The following TCF3 variants were observed in gnomAD, a reference collection of about 807,000 sequenced individuals.
The protein encoded by TCF3 is transcription factor 3, also known as transcription factor E2-alpha.
In TCF3, 54 loss-of-function variants were observed where a neutral mutation model predicts 72.3. The observed-to-expected ratio is 0.75, with a 90% CI of 0.60 to 0.94. The LOEUF is 0.94. Ranked by LOEUF, TCF3 falls within the 40% of genes least tolerant of loss-of-function variation. The pLI is 0.00. For synonymous variants in TCF3, 525 were observed against 412.6 expected, an observed-to-expected ratio of 1.27 and a Z score of -3.30; for missense variants, 1,078 against 934.4, an observed-to-expected ratio of 1.15 and a Z score of -2.00.
rs145808631 is a variant in TCF3, at chr19:1,651,102, T to G, written c.-39-815A>C. The G allele has an allele frequency of 3.3e-3, 774 of 232,270 alleles. 5 individuals are homozygous for G. Among genetic ancestry groups the G allele is most frequent in the African/African-American group, 0.016 (708 of 45,392 alleles). 14.4% of individuals were successfully genotyped at this position (232,270 alleles called of 1,614,324 possible). On this transcript the variant is annotated intron_variant, in intron 1 of 18. Transcript: ENST00000262965. ...TCAAGACCAGGGTGCTCCCGCGTGG[T>G]CCCAGGGGGCTCCATTCTAAGATGG...
At position 1,611,684 on chromosome 19, in the gene TCF3, C is replaced by T. The variant is rs1481960097; in HGVS notation, c.*23G>A. ...AGAGCACAGGGCTGAAAGCGGGTGG[C>T]TCGTCCCACGGAGGCATACCTTTCA... On this transcript the variant is annotated 3_prime_UTR_variant, in exon 19 of 19. Transcript: ENST00000262965. 6.2e-7 allele frequency: 1 copy of T among 1,603,460 alleles called. No homozygotes were observed. The highest frequency in any genetic ancestry group is 2.2e-5 in the East Asian group (1 of 44,680).
intron 18 of TCF3, chr19:1,612,155 T>TGGGTGTGGGGAAGGGAGA (rs2061067766): frequency 6.6e-7 from 1 of 1,507,662 alleles, no homozygotes; most frequent in African/African-American, 1.4e-5. Flanking sequence ...CATCTGCACC[T>TGGGTGTGGGGAAGGGAGA]GGGTGTGGGG....
chr19:1,619,791 G>T lies in TCF3; in HGVS notation c.1156C>A (p.Leu386Ile). 1 of 1,557,164 alleles carries T rather than the reference G, an allele frequency of 6.4e-7. No homozygotes were observed. Among genetic ancestry groups the T allele is most frequent in the Non-Finnish European group, 8.7e-7 (1 of 1,151,352 alleles). ...GALSPSYDGG[L>I]HGLQSKIEDH... Reference sequence around the variant, plus strand: ...GGGCAGGCACTCACCAGGCCGTGGAGACCCCCGTCGTAGCTGGGCGATAAG... The same window carrying T: ...GGGCAGGCACTCACCAGGCCGTGGATACCCCCGTCGTAGCTGGGCGATAAG... The change falls in exon 14 of 19, where the codon CTC (leucine) becomes ATC (isoleucine). Residue 386 changes from leucine to isoleucine, a missense_variant. Transcript: ENST00000262965.
intron 3 of TCF3, among the ~76,000 whole-genome samples, chr19:1,643,000 G>A (rs72989743): frequency 0.13 from 19,627 of 152,156 alleles, 1,369 homozygotes; most frequent in South Asian, 0.3. Context: ...ACTTTCCTTT[G>A]GTCCGTCAAT....
chr19:1,642,942 C>T lies in TCF3; in HGVS notation c.145+3413G>A, dbSNP rs184536554. Among the ~76,000 whole-genome samples the T allele has an allele frequency of 2.2e-3, 331 of 152,326 alleles. 2 individuals are homozygous for T. Among genetic ancestry groups the T allele is most frequent in the Non-Finnish European group, 1.5e-3 (105 of 68,036 alleles). On this transcript the variant is annotated intron_variant, in intron 3 of 18. Coordinates refer to ENST00000262965, the MANE Select transcript of TCF3 (RefSeq NM_003200.5). ...TCACTCTGACCGTGTGTCACACTTA[C>T]AATCGCACGGACAGAGAAAGCGACG...
chr19:1,644,103 T>G (rs1412768916), intron 3 of TCF3, among the ~76,000 whole-genome samples: 1 of 152,174 alleles, frequency 6.6e-6, no homozygotes, highest in African/African-American at 2.4e-5. Context: ...TCTTCCTGGG[T>G]CCTCGGAGAG....
At chr19:1,631,553 G>A (rs1000255203) in intron 5 of TCF3, among the ~76,000 whole-genome samples, 4 of 152,046 alleles carry the variant, frequency 2.6e-5, no homozygotes, top group African/African-American at 9.7e-5. Context: ...ACAGGCGTGA[G>A]CCACCGAGCC....
At chr19:1,621,097 C>A (rs2146086868) in intron 12 of TCF3, 36 bp downstream of exon 12, 1 of 1,523,658 alleles carries the variant, frequency 6.6e-7, no homozygotes, top group East Asian at 2.5e-5. Flanking sequence ...CCTCTCAGGT[C>A]ACTTGCCTGG....
At chr19:1,622,600 T>C (rs2062383439) in intron 8 of TCF3, among the ~76,000 whole-genome samples, 185 bp from the exon 9 acceptor site, 1 of 152,106 alleles carries the variant, frequency 6.6e-6, no homozygotes, top group African/African-American at 2.4e-5. Flanking sequence ...TATGATGTCC[T>C]GGTCTCTCTC....
intron 3 of TCF3, among the ~76,000 whole-genome samples, chr19:1,643,484 G>A (rs957282544): frequency 1.6e-4 from 24 of 152,326 alleles, no homozygotes; most frequent in Admixed American, 1.2e-3. Flanking sequence ...GTCCCCCAAA[G>A]TGCTGGGATT....
At chr19:1,650,387 C>T (rs1441506888) in intron 1 of TCF3, 100 bp from the exon 2 acceptor site, 1 of 849,726 alleles carries the variant, frequency 1.2e-6, no homozygotes, top group African/African-American at 1.7e-5. Flanking sequence ...ACCTAAAAAA[C>T]CCTCAACCGC....
rs2060886231 is a variant in TCF3 at position 1,610,193 on chromosome 19, A to C, written c.*1514T>G. 1 of 232,068 alleles carries C rather than the reference A, an allele frequency of 4.3e-6. No homozygotes were observed. Among genetic ancestry groups the C allele is most frequent in the African/African-American group, 2.2e-5 (1 of 45,236 alleles). The allele number at this position is 232,068 out of a possible 1,614,324, so 14.4% of individuals were successfully genotyped here. A position where few individuals can be genotyped will look rare whatever the true frequency, so the allele number is the denominator to read the frequency against. ...ATGGGACACAGATGGGCCCGAGGGGACACCCTGCTGGTTCTGCAGCAGGGT... is the reference window on the plus strand; with the variant it reads ...ATGGGACACAGATGGGCCCGAGGGGCCACCCTGCTGGTTCTGCAGCAGGGT... On this transcript the variant is annotated 3_prime_UTR_variant, in exon 19 of 19. Coordinates refer to ENST00000262965, the MANE Select transcript of TCF3 (RefSeq NM_003200.5).
chr19:1,623,760 C>A (rs2062546143), intron 8 of TCF3, among the ~76,000 whole-genome samples, 191 bp downstream of exon 8: 1 of 152,214 alleles, frequency 6.6e-6, no homozygotes, highest in Admixed American at 6.5e-5. Context: ...GAGGCTGGAC[C>A]TAGGGAAGGA....
At chr19:1,619,030 C>G in intron 16 of TCF3, 81 bp downstream of exon 16, 3 of 1,586,864 alleles carry the variant, frequency 1.9e-6, no homozygotes, top group South Asian at 2.2e-5. Flanking sequence ...CCTGGGCTCC[C>G]ACCCTGACCC....
intron 3 of TCF3, among the ~76,000 whole-genome samples, chr19:1,642,661 C>T (rs1269597554): frequency 6.6e-6 from 1 of 152,168 alleles, no homozygotes; most frequent in East Asian, 1.9e-4. Context: ...TGAGACAGGC[C>T]GTGCTGTCAC....
intron 3 of TCF3, among the ~76,000 whole-genome samples, chr19:1,642,437 G>A (rs769688750): frequency 1.6e-4 from 25 of 152,292 alleles, no homozygotes; most frequent in South Asian, 1.2e-3. Context: ...TACCCCTGGG[G>A]GTGGCTAGGT....
chr19:1,629,913 A>G (rs1421152316), intron 5 of TCF3, among the ~76,000 whole-genome samples: 1 of 152,248 alleles, frequency 6.6e-6, no homozygotes, highest in African/African-American at 2.4e-5. Context: ...GATGACAGCC[A>G]CGACCCACCC....
intron 18 of TCF3, 72 bp from the exon 19 acceptor site, chr19:1,611,921 G>A (rs1233443894): frequency 6.8e-6 from 2 of 292,116 alleles, no homozygotes; most frequent in Non-Finnish European, 6.3e-6. Flanking sequence ...GGAGTGGGGG[G>A]TAGGATGTCG....
At chr19:1,645,220 C>A (rs1376305477) in intron 3 of TCF3, among the ~76,000 whole-genome samples, 1 of 152,104 alleles carries the variant, frequency 6.6e-6, no homozygotes, top group Admixed American at 6.5e-5. Context: ...ACGGCGCTTT[C>A]CACCCAGATC....
Sources: gnomAD v4.1 joint callset for allele counts (sites outside exome capture counted in the v4.1 genomes callset) on GRCh38, gnomAD v4.1.1 for gene constraint, MANE v1.5 for transcripts, NCBI Gene and HGNC (gene_info 2026-07-23, HGNC 2026-07-21) for gene names.